COL15A1: variants seen among roughly 807,000 people sequenced by gnomAD.
COL15A1 encodes collagen type XV alpha 1 chain, also known as collagen alpha-1(XV) chain.
A neutral mutation model predicts 165.9 loss-of-function variants in COL15A1; 111 were observed. That is an observed-to-expected ratio of 0.67 (90% confidence interval 0.57 to 0.78). COL15A1 has a LOEUF of 0.78. Among genes scored for constraint, COL15A1 ranks in the 30% least tolerant of loss-of-function variants. The pLI is 0.00. For missense variants in COL15A1, 1,745 were observed against 1,789.7 expected, an observed-to-expected ratio of 0.98 and a Z score of 0.45; for synonymous variants, 659 against 674.8, an observed-to-expected ratio of 0.98 and a Z score of 0.36.
intron 31 of COL15A1, among the ~76,000 whole-genome samples, chr9:99,053,286 T>C (rs1261366772): frequency 6.6e-6 from 1 of 152,238 alleles, no homozygotes; most frequent in Non-Finnish European, 1.5e-5. Context: ...GTCTCCCTGA[T>C]GATATCTAGC....
At chr9:98,987,450 C>T (rs770813106) in intron 4 of COL15A1, 82 bp downstream of exon 4, 13 of 1,322,390 alleles carry the variant, frequency 9.8e-6, no homozygotes, top group East Asian at 2.5e-5. Flanking sequence ...CAGACAGTGG[C>T]GTGGAGTTTC....
At chr9:99,020,028 T>C (rs953459444) in intron 11 of COL15A1, among the ~76,000 whole-genome samples, 1 of 152,204 alleles carries the variant, frequency 6.6e-6, no homozygotes, top group African/African-American at 2.4e-5. Context: ...GACTGACTAA[T>C]AGATCTTAAC....
At chr9:99,044,465 A>G (rs1839461935) in intron 24 of COL15A1, 103 bp from the exon 25 acceptor site, 1 of 1,002,588 alleles carries the variant, frequency 1.0e-6, no homozygotes, top group Non-Finnish European at 1.6e-6. Context: ...CAGGACTCAG[A>G]GGTCTCTGTA....
chr9:99,059,254 A>G (rs1825772910), intron 35 of COL15A1, among the ~76,000 whole-genome samples: 1 of 152,230 alleles, frequency 6.6e-6, no homozygotes, highest in Non-Finnish European at 1.5e-5. Context: ...TGAATGCTGT[A>G]CATGTACAAT....
Position 98,996,984 on chromosome 9 carries a change from C to G in COL15A1, c.855C>G (p.Ser285=), listed in dbSNP as rs1838557189. The stretch of plus-strand genomic sequence containing the variant: ...TAAACACACCTCCAACTCCATCCTC[C>G]CCCTTTGAAGACATGGAACTTTCTG... The part of the protein sequence containing the change: ...EPINTPPTPS[S]PFEDMELSGE... The change falls in exon 6 of 42, where the codon TCC becomes TCG. Residue 285 remains serine (S), a synonymous_variant. Transcript: ENST00000375001. 6.2e-7 allele frequency: 1 copy of G among 1,614,202 alleles called. No individual in the cohort carries two copies. Among genetic ancestry groups the G allele is most frequent in the East Asian group, 2.2e-5 (1 of 44,884 alleles).
intron 9 of COL15A1, among the ~76,000 whole-genome samples, chr9:99,013,431 T>C (rs1838877153): frequency 6.6e-6 from 1 of 151,844 alleles, no homozygotes; most frequent in African/African-American, 2.4e-5. Context: ...CAATTCCTCA[T>C]GCAAAATGCT....
chr9:98,990,646 G>C (rs779042772), intron 5 of COL15A1, among the ~76,000 whole-genome samples: 13 of 152,238 alleles, frequency 8.5e-5, no homozygotes, highest in Non-Finnish European at 1.8e-4. Context: ...CAGGAAAGGA[G>C]AGTGGAGTTT....
At chr9:99,036,502 T>A in intron 21 of COL15A1, 106 bp downstream of exon 21, 1 of 1,159,096 alleles carries the variant, frequency 8.6e-7, no homozygotes, top group Non-Finnish European at 1.2e-6. Context: ...AGGAGGCATG[T>A]AGCCAGTGCC....
Position 98,979,112 on chromosome 9 carries a change from T to C in COL15A1, c.101-6453T>C, listed in dbSNP as rs1838189562. Reference sequence around the variant, plus strand: ...GTTGTGTGAACCTGTCATCATTTATTATATTAATCATTCCCAAAGATGGGA... The same window carrying C: ...GTTGTGTGAACCTGTCATCATTTATCATATTAATCATTCCCAAAGATGGGA... On this transcript the variant is annotated intron_variant, in intron 2 of 41. Transcript: ENST00000375001. 2.0e-5 allele frequency among the ~76,000 whole-genome samples: 3 copies of C among 152,226 alleles called. No homozygotes were observed. The South Asian group carries it at 6.2e-4, about 31-fold the overall frequency.
At chr9:99,052,516 A>G (rs552048111) in intron 31 of COL15A1, 83 bp downstream of exon 31, 6 of 1,145,764 alleles carry the variant, frequency 5.2e-6, no homozygotes, top group African/African-American at 1.5e-5. Flanking sequence ...TGCAGGGCGC[A>G]GACTAGGTGG....
Position 99,016,096 on chromosome 9 carries a change from G to T in COL15A1, c.1624G>T (p.Ala542Ser), listed in dbSNP as rs368953579. ...DGPPLPLPTV[A>S]PERWITPAQR... ...GCCACCGCTGCCCCTGCCCACAGTG[G>T]CTCCTGAAAGATGGATCACTCCAGT... is the stretch of plus-strand genomic sequence containing the variant. The change falls in exon 11 of 42, where the codon GCT becomes TCT. Residue 542 changes from alanine to serine, a missense_variant. Ala to Ser is a moderately conservative substitution (Grantham distance 99, BLOSUM62 1). Transcript: ENST00000375001. 12 of 1,612,462 alleles carry T rather than the reference G, an allele frequency of 7.4e-6. No individual in the cohort carries two copies. In the African/African-American group the frequency reaches 1.5e-4, roughly 20 times the overall value.
chr9:99,000,038 T>G (rs2118935769), intron 6 of COL15A1, among the ~76,000 whole-genome samples: 1 of 152,156 alleles, frequency 6.6e-6, no homozygotes, highest in South Asian at 2.1e-4. Context: ...ACCTGGCTAA[T>G]TTTTGTATTT....
In COL15A1 at chr9:98,943,918, C is replaced by A; in HGVS notation, c.-144C>A. 1 of 1,109,812 alleles carries A rather than the reference C, an allele frequency of 9.0e-7. No individual in the cohort carries two copies. The highest frequency in any genetic ancestry group is 1.2e-6 in the Non-Finnish European group (1 of 831,748). 68.7% of individuals were successfully genotyped at this position (1,109,812 alleles called of 1,614,324 possible). A position where few individuals can be genotyped will look rare whatever the true frequency, so the allele number is the denominator to read the frequency against. On this transcript the variant is annotated 5_prime_UTR_variant, in exon 1 of 42. Coordinates refer to ENST00000375001, the MANE Select transcript of COL15A1 (RefSeq NM_001855.5). Reference sequence around the variant, plus strand: ...GGCCGGGAGCCGGGATTCTGCCCGCCGCCGCCGCTGCCGAGCGCCGCCTTT... The same window carrying A: ...GGCCGGGAGCCGGGATTCTGCCCGCAGCCGCCGCTGCCGAGCGCCGCCTTT...
intron 2 of COL15A1, among the ~76,000 whole-genome samples, chr9:98,949,720 A>G (rs926531831): frequency 1.2e-4 from 19 of 152,232 alleles, no homozygotes; most frequent in African/African-American, 4.6e-4. Flanking sequence ...ACCATTTTGA[A>G]GTGCACAATT....
chr9:99,049,601 C>A, intron 28 of COL15A1, 89 bp from the exon 29 acceptor site: 2 of 1,547,918 alleles, frequency 1.3e-6, no homozygotes, highest in South Asian at 2.3e-5. Flanking sequence ...GCAGACCCTC[C>A]TTTCCTTCCT....
intron 8 of COL15A1, 67 bp downstream of exon 8, chr9:99,003,654 G>A: frequency 2.8e-6 from 4 of 1,416,802 alleles, no homozygotes; most frequent in South Asian, 3.3e-5. Flanking sequence ...TTGGGTGGGA[G>A]CAGTCACTGG....
intron 21 of COL15A1, among the ~76,000 whole-genome samples, chr9:99,038,193 T>G (rs1466260784): frequency 6.6e-6 from 1 of 151,990 alleles, no homozygotes; most frequent in Non-Finnish European, 1.5e-5. Context: ...CTGGTGGAAG[T>G]GTAAATTGGC....
chr9:98,960,026 T>G (rs753177251), intron 2 of COL15A1, among the ~76,000 whole-genome samples: 1 of 152,168 alleles, frequency 6.6e-6, no homozygotes, highest in African/African-American at 2.4e-5. Flanking sequence ...CCTATGGAAA[T>G]CCTCTGCATT....
chr9:98,987,085 G>A (rs1452502584), intron 3 of COL15A1, among the ~76,000 whole-genome samples: 3 of 152,176 alleles, frequency 2.0e-5, no homozygotes, highest in Admixed American at 6.5e-5. Flanking sequence ...TGGCCCAGGG[G>A]TCAGTATGAT....
Sources: gnomAD v4.1 joint callset for allele counts (sites outside exome capture counted in the v4.1 genomes callset) on GRCh38, gnomAD v4.1.1 for gene constraint, MANE v1.5 for transcripts, NCBI Gene and HGNC (gene_info 2026-07-23, HGNC 2026-07-21) for gene names.